The following RNF185 variants were observed in gnomAD, a reference collection of about 807,000 sequenced individuals.
RNF185 encodes E3 ubiquitin-protein ligase RNF185.
Under a neutral mutation model 24.9 loss-of-function variants are expected in RNF185, and 13 were observed. The observed-to-expected ratio is 0.52, with a 90% confidence interval of 0.34 to 0.83. The LOEUF is 0.83. Ranked by LOEUF, RNF185 falls within the 40% of genes least tolerant of loss-of-function variation. RNF185 has a pLI of 0.01. For synonymous variants in RNF185, 79 were observed against 90.3 expected (o/e 0.88, Z 0.71); for missense variants, 184 against 244.7 (o/e 0.75, Z 1.65).
At chr22:31,188,416 A>G (rs1464728247) in intron 2 of RNF185, among the ~76,000 whole-genome samples, 1 of 152,214 alleles carries the variant, frequency 6.6e-6, no homozygotes, top group Non-Finnish European at 1.5e-5. Flanking sequence ...AGGATACTTC[A>G]GGGTATCGTA....
chr22:31,164,639 A>G (rs1923796729), intron 1 of RNF185, among the ~76,000 whole-genome samples: 1 of 135,570 alleles, frequency 7.4e-6, no homozygotes, highest in South Asian at 2.3e-4. Flanking sequence ...CCCAGGCTGG[A>G]ATACAGTGGC....
rs190711509 is a variant in RNF185 at position 31,182,575 on chromosome 22, T to C, written c.-48-4472T>C. On this transcript the variant is annotated intron_variant, in intron 1 of 6. Transcript: ENST00000326132. ...TTGGCCTCCCAAAGTGCTGGAATTA[T>C]AGACATGAGCCACCATGCCCAGCCA... is the stretch of plus-strand genomic sequence containing the variant. Among the ~76,000 whole-genome samples, 591 of 152,160 alleles carry C rather than the reference T, an allele frequency of 3.9e-3. 2 individuals are homozygous for C. Among genetic ancestry groups the C allele is most frequent in the Non-Finnish European group, 7.0e-3 (476 of 68,000 alleles).
In RNF185 at chr22:31,176,563, A is replaced by G. The variant is rs568970978; in HGVS notation, c.-48-10484A>G. Reference sequence around the variant, plus strand: ...GAGTGTAGTGGTGCGATCTCAGCTCACTGTAAGCTCCGCCTCCCAGGTTCA... The same window carrying G: ...GAGTGTAGTGGTGCGATCTCAGCTCGCTGTAAGCTCCGCCTCCCAGGTTCA... On this transcript the variant is annotated intron_variant, in intron 1 of 6. Coordinates refer to ENST00000326132, the MANE Select transcript of RNF185 (RefSeq NM_152267.4). Among the ~76,000 whole-genome samples the G allele has an allele frequency of 2.1e-5, 3 of 146,262 alleles. No homozygotes were observed. The East Asian group carries it at 6.0e-4, about 29-fold the overall frequency.
chr22:31,164,544 C>T (rs1923785820), intron 1 of RNF185, among the ~76,000 whole-genome samples: 1 of 151,680 alleles, frequency 6.6e-6, no homozygotes, highest in Admixed American at 6.6e-5. Context: ...TGTCAAGTCT[C>T]CCTGGTCTCA....
chr22:31,188,540 A>G (rs1255081667), intron 2 of RNF185, among the ~76,000 whole-genome samples: 1 of 152,272 alleles, frequency 6.6e-6, no homozygotes, highest in East Asian at 1.9e-4. Flanking sequence ...GTGTACAGCT[A>G]TTATGGCTGG....
intron 1 of RNF185, among the ~76,000 whole-genome samples, chr22:31,164,583 CTTTTTTTTT>C (rs200649012): frequency 1.1e-5 from 1 of 91,734 alleles, no homozygotes; most frequent in Non-Finnish European, 2.1e-5. Flanking sequence ...TCCTCATTGT[CTTTTTTTTT>C]TTTTTTTTTT....
intron 4 of RNF185, among the ~76,000 whole-genome samples, chr22:31,196,175 C>T (rs758431359): frequency 2.0e-5 from 3 of 152,160 alleles, no homozygotes; most frequent in Non-Finnish European, 4.4e-5. Flanking sequence ...TCTTCCCTCC[C>T]CAGTCCTGCT....
intron 1 of RNF185, among the ~76,000 whole-genome samples, chr22:31,168,859 T>C (rs1278341747): frequency 1.3e-5 from 2 of 152,172 alleles, no homozygotes; most frequent in African/African-American, 4.8e-5. Flanking sequence ...ATTTCTTCTT[T>C]GAAGAAATGT....
intron 2 of RNF185, among the ~76,000 whole-genome samples, chr22:31,192,181 C>T (rs370921018): frequency 6.6e-6 from 1 of 152,196 alleles, no homozygotes; most frequent in Non-Finnish European, 1.5e-5. Flanking sequence ...TTTTGTTAAA[C>T]TGGATCTGGA....
intron 5 of RNF185, among the ~76,000 whole-genome samples, chr22:31,198,704 C>CTTTTT (rs1196076379): frequency 1.4e-5 from 1 of 69,654 alleles, no homozygotes; most frequent in South Asian, 5.6e-4. Flanking sequence ...CTGCCACTTT[C>CTTTTT]TTTTTTTTTT....
In RNF185 at chr22:31,162,058, T is replaced by C. The variant is rs1183415784; in HGVS notation, c.-49+1755T>C. On this transcript the variant is annotated intron_variant, in intron 1 of 6. Coordinates refer to ENST00000326132, the MANE Select transcript of RNF185 (RefSeq NM_152267.4). ...CTTTGGTTTTCTAATCAAACATTATTATGTCCTTATTTTGTGCATTACAAA... is the reference window on the plus strand; with the variant it reads ...CTTTGGTTTTCTAATCAAACATTATCATGTCCTTATTTTGTGCATTACAAA... 5.9e-5 allele frequency among the ~76,000 whole-genome samples: 9 copies of C among 152,104 alleles called. 1 individual carries two copies.
chr22:31,189,606 A>T (rs1398944382), intron 2 of RNF185, among the ~76,000 whole-genome samples: 3 of 124,860 alleles, frequency 2.4e-5, no homozygotes, highest in South Asian at 2.6e-4. Context: ...CCTGTGTCAA[A>T]TTTTTTTTTT....
rs1188647642 is a variant in RNF185 at position 31,201,482 on chromosome 22, C to T, written c.364-16C>T. ...TGCCTGATTCTCCTGCCCTTAATTGCCTTTCTTCCACACAGGGATTTCAAG... is the reference window on the plus strand; with the variant it reads ...TGCCTGATTCTCCTGCCCTTAATTGTCTTTCTTCCACACAGGGATTTCAAG... On this transcript the variant is annotated splice_polypyrimidine_tract_variant and intron_variant, in intron 5 of 6. Transcript: ENST00000326132. 6 of 1,589,762 alleles carry T rather than the reference C, an allele frequency of 3.8e-6. No individual in the cohort carries two copies. The highest frequency in any genetic ancestry group is 5.2e-6 in the Non-Finnish European group (6 of 1,159,568).
chr22:31,187,150 G>A lies in RNF185; in HGVS notation c.56G>A (p.Gly19Glu), dbSNP rs1340202283. The A allele has an allele frequency of 6.2e-7, 1 of 1,613,712 alleles. No individual in the cohort carries two copies. The highest frequency in any genetic ancestry group is 2.2e-5 in the East Asian group (1 of 44,830). The change falls in exon 2 of 7, where the codon GGG (glycine) becomes GAG (glutamate). Residue 19 changes from glycine (G) to glutamate (E), a missense_variant. By Grantham distance (98) the Gly-to-Glu change is moderately conservative (BLOSUM62 -2). Coordinates refer to ENST00000326132, the MANE Select transcript of RNF185 (RefSeq NM_152267.4). ...SASPENSSAG[G>E]PSGSSNGAGE... Reference sequence around the variant, plus strand: ...TCTCCTGAGAACTCCAGTGCAGGGGGGCCCAGTGGGAGCAGCAATGGCGCT... The same window carrying A: ...TCTCCTGAGAACTCCAGTGCAGGGGAGCCCAGTGGGAGCAGCAATGGCGCT...
intron 4 of RNF185, among the ~76,000 whole-genome samples, chr22:31,196,056 T>A (rs2048202450): frequency 6.6e-6 from 1 of 152,202 alleles, no homozygotes; most frequent in Non-Finnish European, 1.5e-5. Context: ...TCTCTTACCT[T>A]TATCCAGCTA....
chr22:31,188,230 C>T (rs1184663754), intron 2 of RNF185, among the ~76,000 whole-genome samples: 4 of 152,098 alleles, frequency 2.6e-5, no homozygotes, highest in Admixed American at 2.0e-4. Flanking sequence ...GCAGAGAAAT[C>T]GTGTGAAGAA....
intron 1 of RNF185, among the ~76,000 whole-genome samples, chr22:31,186,597 A>G (rs2048100741): frequency 2.0e-5 from 3 of 152,166 alleles, no homozygotes; most frequent in Admixed American, 6.6e-5. Flanking sequence ...GTGAAACTCC[A>G]TCTCTTAAAA....
chr22:31,161,370 T>G (rs1179977061), intron 1 of RNF185, among the ~76,000 whole-genome samples: 1 of 152,208 alleles, frequency 6.6e-6, no homozygotes, highest in African/African-American at 2.4e-5. Flanking sequence ...AAGGCAAATG[T>G]GACTTTTTTC....
chr22:31,200,631 G>A (rs2048252329), intron 5 of RNF185, among the ~76,000 whole-genome samples: 1 of 152,242 alleles, frequency 6.6e-6, no homozygotes, highest in Admixed American at 6.5e-5. Context: ...AGATGATGCA[G>A]TGTAGAACAT....
Sources: gnomAD v4.1 joint callset for allele counts (sites outside exome capture counted in the v4.1 genomes callset) on GRCh38, gnomAD v4.1.1 for gene constraint, MANE v1.5 for transcripts, NCBI Gene and HGNC (gene_info 2026-07-23, HGNC 2026-07-21) for gene names.